Variants in C3orf20 observed in about 807,000 individuals in gnomAD.
The protein encoded by C3orf20 is family with sequence similarity 149 member C.
Under a neutral mutation model 88.3 loss-of-function variants are expected in C3orf20, and 76 were observed. That is an observed-to-expected ratio of 0.86 (90% CI 0.72 to 1.04). The LOEUF (loss-of-function observed/expected upper bound fraction) is 1.04, where lower values mean the gene tolerates loss of function less well. C3orf20 is among the 50% of genes least tolerant of loss of function. The probability of loss-of-function intolerance (pLI) is 0.00; values close to 1 mark genes in which losing one functional copy is unlikely to be tolerated. For missense variants in C3orf20, 1,056 were observed against 1,123.3 expected, an observed-to-expected ratio of 0.94 and a Z score of 0.86; for synonymous variants, 436 against 437.4, an observed-to-expected ratio of 1.00 and a Z score of 0.04.
At chr3:14,735,771 T>A (rs922346809) in intron 12 of C3orf20, among the ~76,000 whole-genome samples, 6 of 151,976 alleles carry the variant, frequency 3.9e-5, no homozygotes, top group African/African-American at 1.5e-4. Flanking sequence ...TTTTTTGTAT[T>A]TTTAGTAGAG....
chr3:14,741,700 T>TA (rs1195970863), intron 12 of C3orf20, among the ~76,000 whole-genome samples: 1 of 152,194 alleles, frequency 6.6e-6, no homozygotes, highest in African/African-American at 2.4e-5. Context: ...GAAGAGGTGT[T>TA]ACAGCTCTGG....
At chr3:14,721,308 G>C (rs1040730442) in intron 9 of C3orf20, among the ~76,000 whole-genome samples, 1 of 152,206 alleles carries the variant, frequency 6.6e-6, no homozygotes, top group African/African-American at 2.4e-5. Flanking sequence ...CAGGGATAAA[G>C]GGTTACCCTC....
At chr3:14,698,606 C>T (rs999264163) in intron 5 of C3orf20, among the ~76,000 whole-genome samples, 1 of 152,192 alleles carries the variant, frequency 6.6e-6, no homozygotes, top group Non-Finnish European at 1.5e-5. Flanking sequence ...GTTCTCTTCC[C>T]TAGTTTCTCC....
Position 14,756,028 on chromosome 3 carries a change from C to CAA in C3orf20, c.1941-1325_1941-1324dup, listed in dbSNP as rs56242160. On this transcript the variant is annotated intron_variant, in intron 12 of 16. Coordinates refer to ENST00000253697, the MANE Select transcript of C3orf20 (RefSeq NM_032137.5). ...TGGGTGACAGAGCGAGACTCCATCTCAAAAAAAAAAAAAAAAAAAGAAAAA... is the reference window on the plus strand; with the variant it reads ...TGGGTGACAGAGCGAGACTCCATCTCAAAAAAAAAAAAAAAAAAAAAGAAAAA... Among the ~76,000 whole-genome samples, 200 of 72,716 alleles carry CAA rather than the reference C, an allele frequency of 2.8e-3. 1 individual carries two copies. The highest frequency in any genetic ancestry group is 4.4e-3 in the Non-Finnish European group (172 of 38,774). 47.7% of individuals were successfully genotyped at this position (72,716 alleles called of 152,430 possible).
chr3:14,772,332 C>T lies in C3orf20; in HGVS notation c.2630+131C>T. The T allele has an allele frequency of 1.8e-6, 2 of 1,128,792 alleles. No homozygotes were observed. Among genetic ancestry groups the T allele is most frequent in the South Asian group, 1.5e-5 (1 of 67,876 alleles). The allele number at this position is 1,128,792 out of a possible 1,614,324, so 69.9% of individuals were successfully genotyped here. A position where few individuals can be genotyped will look rare whatever the true frequency, so the allele number is the denominator to read the frequency against. ...GTCCAACCATCGCTGACATCTAGCC[C>T]ATGTAATCAACACAATATTGGGCGG... On this transcript the variant is annotated intron_variant, in intron 16 of 16. Transcript: ENST00000253697. The surrounding 1 kb of genome is among the most constrained non-coding windows in gnomAD (Gnocchi z 4.2).
rs1292384110 is a variant in C3orf20, at chr3:14,757,626, C to T, written c.2196C>T (p.Asn732=). 1.2e-6 allele frequency: 2 copies of T among 1,613,524 alleles called. No homozygotes were observed. Among genetic ancestry groups the T allele is most frequent in the East Asian group, 2.2e-5 (1 of 44,872 alleles). The part of the protein sequence containing the change: ...TSTGQLQWLL[N]TLYNHQQRGR... ...CTGGGCAGCTCCAGTGGCTGCTGAA[C>T]ACTCTCTACAACCACCAGCAGCGGG... Residue 732 remains asparagine, a synonymous_variant, in exon 13 of 17, where the codon AAC becomes AAT. Transcript: ENST00000253697.
chr3:14,742,217 T>C (rs904527759), intron 12 of C3orf20, among the ~76,000 whole-genome samples: 16 of 152,198 alleles, frequency 1.1e-4, no homozygotes, highest in Non-Finnish European at 2.1e-4. Flanking sequence ...CTGTCAAAGA[T>C]GGTAGTAGGG....
At chr3:14,737,314 A>G (rs2034747022) in intron 12 of C3orf20, among the ~76,000 whole-genome samples, 1 of 151,844 alleles carries the variant, frequency 6.6e-6, no homozygotes, top group Admixed American at 6.6e-5. Flanking sequence ...TGGGACTCCC[A>G]AGTACACCTT....
intron 12 of C3orf20, among the ~76,000 whole-genome samples, chr3:14,741,182 T>G (rs2034888306): frequency 6.6e-6 from 1 of 152,174 alleles, no homozygotes; most frequent in Admixed American, 6.5e-5. Flanking sequence ...GCTTCAGCCT[T>G]TGTGAGGTCT....
intron 12 of C3orf20, among the ~76,000 whole-genome samples, chr3:14,743,246 A>G (rs1032436579): frequency 3.3e-5 from 5 of 152,004 alleles, no homozygotes; most frequent in Non-Finnish European, 5.9e-5. Flanking sequence ...TTCAAATGGG[A>G]GAAATTGGCC....
chr3:14,714,176 A>G lies in C3orf20; in HGVS notation c.1313+17A>G, dbSNP rs774060346. 1.9e-6 allele frequency: 3 copies of G among 1,612,546 alleles called. No homozygotes were observed. Among genetic ancestry groups the G allele is most frequent in the East Asian group, 2.2e-5 (1 of 44,876 alleles). On this transcript the variant is annotated intron_variant, in intron 8 of 16. Coordinates refer to ENST00000253697, the MANE Select transcript of C3orf20 (RefSeq NM_032137.5). ...AAAAACCAGGTAAGTGGACTGGGAG[A>G]GTACTAGTCACACGGAAGTACCTCT...
At chr3:14,758,138 C>T (rs1428989464) in intron 13 of C3orf20, among the ~76,000 whole-genome samples, 1 of 152,206 alleles carries the variant, frequency 6.6e-6, no homozygotes, top group Non-Finnish European at 1.5e-5. Flanking sequence ...CCTAGAGGAG[C>T]TCCCAGTGTG....
At chr3:14,759,409 T>G (rs2035488509) in intron 13 of C3orf20, among the ~76,000 whole-genome samples, 1 of 152,030 alleles carries the variant, frequency 6.6e-6, no homozygotes, top group Admixed American at 6.6e-5. Flanking sequence ...AGGTGTGGGT[T>G]CAGTTCAGGT....
At chr3:14,704,195 G>A (rs560652948) in intron 6 of C3orf20, 142 bp from the exon 7 acceptor site, 11 of 827,060 alleles carry the variant, frequency 1.3e-5, no homozygotes, top group South Asian at 1.8e-5. Flanking sequence ...CTTTATGGAC[G>A]AGGGAGCATG....
chr3:14,692,322 A>G (rs1046870962), intron 5 of C3orf20, among the ~76,000 whole-genome samples: 2 of 152,144 alleles, frequency 1.3e-5, no homozygotes, highest in Admixed American at 1.3e-4. Flanking sequence ...GGAACCCCCA[A>G]ACTGTTCTCC....
At position 14,757,578 on chromosome 3, in the gene C3orf20, C is replaced by T. The variant is rs1441229825; in HGVS notation, c.2148C>T (p.Ile716=). ...DPSQVLVFGI[I]SSQNYTSTGQ... ...GCCAAGTGCTGGTGTTTGGGATCATCTCAAGCCAGAACTACACCAGCACTG... is the reference window on the plus strand; with the variant it reads ...GCCAAGTGCTGGTGTTTGGGATCATTTCAAGCCAGAACTACACCAGCACTG... Residue 716 remains isoleucine (I), a synonymous_variant, in exon 13 of 17, where the codon ATC becomes ATT. Coordinates refer to ENST00000253697, the MANE Select transcript of C3orf20 (RefSeq NM_032137.5). 3 of 1,613,954 alleles carry T rather than the reference C, an allele frequency of 1.9e-6. No homozygotes were observed. The highest frequency in any genetic ancestry group is 2.5e-6 in the Non-Finnish European group (3 of 1,180,010).
At chr3:14,745,165 G>A (rs2035024627) in intron 12 of C3orf20, among the ~76,000 whole-genome samples, 1 of 152,190 alleles carries the variant, frequency 6.6e-6, no homozygotes, top group Admixed American at 6.5e-5. Flanking sequence ...GGTTAGATTT[G>A]ATGTGCAGGA....
intron 7 of C3orf20, among the ~76,000 whole-genome samples, chr3:14,711,243 C>A (rs1026002987): frequency 1.5e-4 from 23 of 152,116 alleles, no homozygotes; most frequent in Non-Finnish European, 1.5e-5. Flanking sequence ...TTGTTCTATC[C>A]ATTATTGAAC....
At chr3:14,697,722 CA>C (rs2033072543) in intron 5 of C3orf20, among the ~76,000 whole-genome samples, 1 of 131,684 alleles carries the variant, frequency 7.6e-6, no homozygotes, top group African/African-American at 2.9e-5. Flanking sequence ...CCCCTGCTGC[CA>C]ACAGGCCCTA....
Sources: gnomAD v4.1 joint callset for allele counts (sites outside exome capture counted in the v4.1 genomes callset) on GRCh38, gnomAD v4.1.1 for gene constraint, Gnocchi (gnomAD v3.1) non-coding constraint, MANE v1.5 for transcripts, NCBI Gene and HGNC (gene_info 2026-07-23, HGNC 2026-07-21) for gene names.